The following PSMG1 variants were observed in gnomAD, a reference collection of about 807,000 sequenced individuals.
PSMG1 encodes the protein Down syndrome critical region gene 2.
PSMG1 carries 23 observed loss-of-function variants against 37.2 expected under a neutral mutation model. The observed-to-expected ratio is 0.62, with a 90% CI of 0.44 to 0.88. The LOEUF (loss-of-function observed/expected upper bound fraction) is 0.88. Ranked by LOEUF, PSMG1 falls within the 40% of genes least tolerant of loss-of-function variation. The pLI is 0.00. For synonymous variants in PSMG1, 127 were observed against 128.0 expected (o/e 0.99, Z 0.05); for missense variants, 340 against 344.2 (o/e 0.99, Z 0.10).
chr21:39,178,826 G>T, intron 4 of PSMG1, 179 bp from the exon 5 acceptor site: 1 of 632,604 alleles, frequency 1.6e-6, no homozygotes, highest in Non-Finnish European at 2.7e-6. Context: ...TCTTGGTTCT[G>T]CTTTCTAGGT....
rs762692676 is a variant in PSMG1, at chr21:39,183,244, T to C, written c.134+8A>G. 4.4e-6 allele frequency: 7 copies of C among 1,578,330 alleles called. No homozygotes were observed. In the South Asian group the frequency reaches 5.7e-5, roughly 13 times the overall value. ...GGTGAGCGCGCTGCCCTTATCCCGG[T>C]GCCTCACCTCTTCCGCGCCAGCTGC... is the stretch of plus-strand genomic sequence containing the variant. On this transcript the variant is annotated splice_region_variant and intron_variant, in intron 1 of 6. Transcript: ENST00000331573.
chr21:39,177,463 G>C lies in PSMG1; in HGVS notation c.764C>G (p.Ser255Cys). ...AACCAAACCCTTCAAGCTTCTGGTA[G>C]AAAGTATAGGCTTAAAAGCTTCCAC... ...ITVEAFKPIL[S>C]TRSLKGLVKN... Residue 255 changes from serine to cysteine, a missense_variant, in exon 6 of 7, where the codon TCT (serine) becomes TGT (cysteine). Coordinates refer to ENST00000331573, the MANE Select transcript of PSMG1 (RefSeq NM_003720.4). 1 of 1,600,568 alleles carries C rather than the reference G, an allele frequency of 6.2e-7. No homozygotes were observed. Among genetic ancestry groups the C allele is most frequent in the South Asian group, 1.1e-5 (1 of 87,868 alleles).
chr21:39,180,526 T>C, intron 2 of PSMG1, 90 bp from the exon 3 acceptor site: 1 of 1,348,172 alleles, frequency 7.4e-7, no homozygotes, highest in Non-Finnish European at 9.8e-7. Context: ...ACTGTAGAAT[T>C]TGAGAGCTGA....
At position 39,180,456 on chromosome 21, in the gene PSMG1, T is replaced by G. The variant is rs766463119; in HGVS notation, c.242-20A>C. 5 of 1,559,674 alleles carry G rather than the reference T, an allele frequency of 3.2e-6. No individual in the cohort carries two copies. In the Admixed American group the frequency reaches 7.8e-5, roughly 24 times the overall value. On this transcript the variant is annotated intron_variant, in intron 2 of 6. Transcript: ENST00000331573. ...GAAATGCTGTAAAAAACAATTCACA[T>G]AAGTTAGTGTTTGGCTCTGCAAGCT...
In PSMG1 at chr21:39,179,808, A is replaced by G. The variant is rs1014143010; in HGVS notation, c.456+116T>C. 3.3e-6 allele frequency: 3 copies of G among 902,566 alleles called. No homozygotes were observed. In the South Asian group the frequency reaches 5.6e-5, roughly 17 times the overall value. The allele number at this position is 902,566 out of a possible 1,614,324, so 55.9% of individuals were successfully genotyped here. ...TTTATATTCCAAAAGAAATTCCCAC[A>G]ATATTTTAAAGAAATAAATATCTGA... On this transcript the variant is annotated intron_variant, in intron 4 of 6. Transcript: ENST00000331573.
At position 39,183,297 on chromosome 21, in the gene PSMG1, T is replaced by C; in HGVS notation, c.89A>G (p.Glu30Gly). 1 of 1,585,484 alleles carries C rather than the reference T, an allele frequency of 6.3e-7. No individual in the cohort carries two copies. The highest frequency in any genetic ancestry group is 8.6e-7 in the Non-Finnish European group (1 of 1,168,774). The change falls in exon 1 of 7, where the codon GAG (glutamate) becomes GGG (glycine). Residue 30 changes from glutamate to glycine, a missense_variant. Glu to Gly is a moderately conservative substitution (Grantham distance 98). Coordinates refer to ENST00000331573, the MANE Select transcript of PSMG1 (RefSeq NM_003720.4). ...ACGCACCTCCCTGTCCTCGGGCGTC[T>C]CCCTCCGCCCCTCCTCCTCCTCCTC... ...DEEEEEEGRR[E>G]TPEDREVRLQ...
rs772107567 is a variant in PSMG1 at position 39,177,422 on chromosome 21, G to C, written c.792+13C>G. The C allele has an allele frequency of 3.6e-5, 57 of 1,569,130 alleles. No individual in the cohort carries two copies. In the East Asian group the frequency reaches 1.3e-3, roughly 36 times the overall value. ...ACAATGCAGCTATTAATTTAAATGAGTTAAAACCTTACCTTAACCAAACCC... is the reference window on the plus strand; with the variant it reads ...ACAATGCAGCTATTAATTTAAATGACTTAAAACCTTACCTTAACCAAACCC... On this transcript the variant is annotated intron_variant, in intron 6 of 6. Transcript: ENST00000331573.
At position 39,175,157 on chromosome 21, in the gene PSMG1, G is replaced by GCTTTGAAAAA. The variant is rs2030583529; in HGVS notation, c.*432_*433insTTTTTCAAAG. ...TGTAGCTTTGAAAAATTTAACTAAA[G>GCTTTGAAAAA]TTGGGCACAGTGGCTCACACCTGTA... On this transcript the variant is annotated 3_prime_UTR_variant, in exon 7 of 7. Transcript: ENST00000331573. 6.6e-6 allele frequency: 1 copy of GCTTTGAAAAA among 152,260 alleles called. No individual in the cohort carries two copies. The highest frequency in any genetic ancestry group is 1.5e-5 in the Non-Finnish European group (1 of 68,194). The allele number at this position is 152,260 out of a possible 1,614,324, so 9.4% of individuals were successfully genotyped here. A position where few individuals can be genotyped will look rare whatever the true frequency, so the allele number is the denominator to read the frequency against.
At position 39,175,510 on chromosome 21, in the gene PSMG1, A is replaced by T; in HGVS notation, c.*80T>A. ...CATCATTCTCAAAATATATCCCCCA[A>T]AAGTAATCTACAAAAGAGTGCAGGC... On this transcript the variant is annotated 3_prime_UTR_variant, in exon 7 of 7. Transcript: ENST00000331573. 6.9e-7 allele frequency: 1 copy of T among 1,442,030 alleles called. No individual in the cohort carries two copies. Among genetic ancestry groups the T allele is most frequent in the Non-Finnish European group, 9.2e-7 (1 of 1,092,270 alleles). The allele number at this position is 1,442,030 out of a possible 1,614,324, so 89.3% of individuals were successfully genotyped here.
rs529485926 is a variant in PSMG1, at chr21:39,178,445, C to T, written c.655+4G>A. 4.4e-6 allele frequency: 7 copies of T among 1,605,912 alleles called. No homozygotes were observed. In the South Asian group the frequency reaches 7.7e-5, roughly 18 times the overall value. ...AATGTAAATGTTACAAATTTTAATA[C>T]CACCTGCTGCAGGAAGGTCGTGTAC... On this transcript the variant is annotated splice_donor_region_variant and intron_variant, in intron 5 of 6. Coordinates refer to ENST00000331573, the MANE Select transcript of PSMG1 (RefSeq NM_003720.4).
At chr21:39,180,204 C>T in intron 3 of PSMG1, 81 bp downstream of exon 3, 1 of 1,454,048 alleles carries the variant, frequency 6.9e-7, no homozygotes, top group Non-Finnish European at 9.2e-7. Flanking sequence ...GAAAGATTTG[C>T]CATACTAAAG....
At chr21:39,181,134 T>C (rs1364830782) in intron 2 of PSMG1, among the ~76,000 whole-genome samples, 1 of 152,084 alleles carries the variant, frequency 6.6e-6, no homozygotes, top group Non-Finnish European at 1.5e-5. Context: ...AAACATTTTC[T>C]TTAAAGCTTT....
At position 39,183,361 on chromosome 21, in the gene PSMG1, C is replaced by A; in HGVS notation, c.25G>T (p.Val9Leu). The change falls in exon 1 of 7, where the codon GTG (valine) becomes TTG (leucine). Residue 9 changes from valine (V) to leucine (L), a missense_variant. Transcript: ENST00000331573. ...CCAGCTCGGCACGGCGCCTTCACCA[C>A]CTCTCCGAAGAACGTGGCCGCCATA... MAATFFGE[V>L]VKAPCRAGTE... The A allele has an allele frequency of 6.3e-7, 1 of 1,575,386 alleles. No homozygotes were observed. Among genetic ancestry groups the A allele is most frequent in the Non-Finnish European group, 8.6e-7 (1 of 1,164,194 alleles).
chr21:39,181,542 G>C (rs1409054417), intron 2 of PSMG1, among the ~76,000 whole-genome samples: 1 of 151,770 alleles, frequency 6.6e-6, no homozygotes, highest in Non-Finnish European at 1.5e-5. Flanking sequence ...GATCACTTGA[G>C]GACAGGAGTG....
rs1213053322 is a variant in PSMG1, at chr21:39,183,428, A to G, written c.-43T>C. On this transcript the variant is annotated 5_prime_UTR_variant, in exon 1 of 7. Coordinates refer to ENST00000331573, the MANE Select transcript of PSMG1 (RefSeq NM_003720.4). ...CTGGACACAACTGCAGCGCCGCGGG[A>G]CCGCACGCCGGCTTGCGCGAGACCA... The G allele has an allele frequency of 6.5e-7, 1 of 1,532,868 alleles. No individual in the cohort carries two copies. The highest frequency in any genetic ancestry group is 2.6e-5 in the East Asian group (1 of 39,206). The allele number at this position is 1,532,868 out of a possible 1,614,324, so 95.0% of individuals were successfully genotyped here.
rs767398450 is a variant in PSMG1, at chr21:39,181,810, C to G, written c.203G>C (p.Cys68Ser). The change falls in exon 2 of 7, where the codon TGC becomes TCC. Residue 68 changes from cysteine (C) to serine (S), a missense_variant. Physicochemically the swap from Cys to Ser is moderately radical, Grantham distance 112. Coordinates refer to ENST00000331573, the MANE Select transcript of PSMG1 (RefSeq NM_003720.4). Reference sequence around the variant, plus strand: ...TCCTATAGCAATTATAAACTTGGAGCACGGATATTTTTCTAGCAAAGAAAC... The same window carrying G: ...TCCTATAGCAATTATAAACTTGGAGGACGGATATTTTTCTAGCAAAGAAAC... ...LEVSLLEKYPCSKFIIAIGNN... is the reference protein window; with the variant it reads ...LEVSLLEKYPSSKFIIAIGNN... 1 of 1,594,526 alleles carries G rather than the reference C, an allele frequency of 6.3e-7. No individual in the cohort carries two copies. The highest frequency in any genetic ancestry group is 1.1e-5 in the South Asian group (1 of 87,074).
Position 39,183,412 on chromosome 21 carries a change from A to G in PSMG1, c.-27T>C. 6.4e-7 allele frequency: 1 copy of G among 1,563,926 alleles called. No individual in the cohort carries two copies. The highest frequency in any genetic ancestry group is 8.6e-7 in the Non-Finnish European group (1 of 1,160,482). On this transcript the variant is annotated 5_prime_UTR_variant, in exon 1 of 7. Coordinates refer to ENST00000331573, the MANE Select transcript of PSMG1 (RefSeq NM_003720.4). ...GCCGCCCCGTGACCGGCTGGACACA[A>G]CTGCAGCGCCGCGGGACCGCACGCC...
chr21:39,177,900 A>G (rs995237003), intron 5 of PSMG1, among the ~76,000 whole-genome samples: 5 of 152,212 alleles, frequency 3.3e-5, no homozygotes, highest in Non-Finnish European at 5.9e-5. Context: ...ATAAAGTGAA[A>G]TATTTAGCCA....
Position 39,183,430 on chromosome 21 carries a change from C to T in PSMG1, c.-45G>A, listed in dbSNP as rs774803695. 6.5e-7 allele frequency: 1 copy of T among 1,529,326 alleles called. No homozygotes were observed. Among genetic ancestry groups the T allele is most frequent in the Admixed American group, 1.9e-5 (1 of 52,032 alleles). 94.7% of individuals were successfully genotyped at this position (1,529,326 alleles called of 1,614,324 possible). A position where few individuals can be genotyped will look rare whatever the true frequency, so the allele number is the denominator to read the frequency against. ...GGACACAACTGCAGCGCCGCGGGAC[C>T]GCACGCCGGCTTGCGCGAGACCACG... On this transcript the variant is annotated 5_prime_UTR_variant, in exon 1 of 7. Transcript: ENST00000331573.
Sources: gnomAD v4.1 joint callset for allele counts (sites outside exome capture counted in the v4.1 genomes callset) on GRCh38, gnomAD v4.1.1 for gene constraint, MANE v1.5 for transcripts, NCBI Gene and HGNC (gene_info 2026-07-23, HGNC 2026-07-21) for gene names.